SLC25A48: variants seen among roughly 807,000 people sequenced by gnomAD.
SLC25A48 encodes CTC-321K16.1.
SLC25A48 carries 29 observed loss-of-function variants against 32.2 expected under a neutral mutation model. The observed-to-expected ratio is 0.90, with a 90% CI of 0.67 to 1.23. The LOEUF (loss-of-function observed/expected upper bound fraction) is 1.23, where lower values mean the gene tolerates loss of function less well. Ranked by LOEUF, SLC25A48 falls within the 50% of genes most tolerant of loss-of-function variation. SLC25A48 has a pLI of 0.00. For synonymous variants in SLC25A48, 164 were observed against 172.3 expected, an observed-to-expected ratio of 0.95 and a Z score of 0.38; for missense variants, 399 against 422.7, an observed-to-expected ratio of 0.94 and a Z score of 0.49.
chr5:135,832,968 C>T (rs1758264036), upstream of SLC25A48, among the ~76,000 whole-genome samples: 1 of 152,196 alleles, frequency 6.6e-6, no homozygotes, highest in South Asian at 2.1e-4. Flanking sequence ...TGAATGGCAG[C>T]ACACTGCAAA....
At chr5:135,662,704 C>A (rs1336684449) in intron 3 of SLC25A48, among the ~76,000 whole-genome samples, 2 of 151,980 alleles carry the variant, frequency 1.3e-5, no homozygotes, top group Admixed American at 1.3e-4. Flanking sequence ...GCCTCTCCCC[C>A]TCAGGTCCCT....
At chr5:135,754,811 G>A (rs1190617079) in intron 3 of SLC25A48, among the ~76,000 whole-genome samples, 1 of 151,262 alleles carries the variant, frequency 6.6e-6, no homozygotes, top group Non-Finnish European at 1.5e-5. Context: ...GCATTTATAA[G>A]ATCCAGTGTT....
chr5:135,872,174 T>A (rs911347810), intron 5 of SLC25A48: 5 of 358,492 alleles, frequency 1.4e-5, no homozygotes, highest in African/African-American at 4.2e-5. Flanking sequence ...ATAGCAGGAC[T>A]CTGCAGTCAG....
At chr5:135,778,995 C>T (rs1226930202) in intron 3 of SLC25A48, among the ~76,000 whole-genome samples, 3 of 151,602 alleles carry the variant, frequency 2.0e-5, no homozygotes, top group African/African-American at 4.8e-5. Context: ...AATATACATC[C>T]CCCAGTGATA....
At chr5:135,642,026 A>C (rs538942862) in intron 3 of SLC25A48, among the ~76,000 whole-genome samples, 8 of 152,234 alleles carry the variant, frequency 5.3e-5, no homozygotes, top group African/African-American at 9.6e-5. Flanking sequence ...CTAAGATCTT[A>C]TCTCTTTAAT....
chr5:135,832,683 G>A (rs1561515084), upstream of SLC25A48, among the ~76,000 whole-genome samples: 1 of 152,224 alleles, frequency 6.6e-6, no homozygotes, highest in African/African-American at 2.4e-5. Context: ...CACTAGCACA[G>A]ACTGATGCTC....
chr5:135,699,493 G>A (rs1284081823), intron 3 of SLC25A48, among the ~76,000 whole-genome samples: 3 of 152,086 alleles, frequency 2.0e-5, no homozygotes, highest in Admixed American at 2.0e-4. Flanking sequence ...AGCACAACTT[G>A]TCTACGATGA....
chr5:135,829,849 G>T (rs1241145794), upstream of SLC25A48, among the ~76,000 whole-genome samples: 2 of 152,036 alleles, frequency 1.3e-5, no homozygotes, highest in Non-Finnish European at 2.9e-5. Flanking sequence ...TAGAGAAACT[G>T]CTTGACCTCT....
chr5:135,690,284 G>A (rs1242844336), intron 3 of SLC25A48, among the ~76,000 whole-genome samples: 1 of 152,198 alleles, frequency 6.6e-6, no homozygotes, highest in Non-Finnish European at 1.5e-5. Flanking sequence ...GAGCATGGGT[G>A]TAGGAATCCT....
intron 3 of SLC25A48, among the ~76,000 whole-genome samples, chr5:135,749,986 C>G (rs1755731985): frequency 6.6e-6 from 1 of 152,156 alleles, no homozygotes; most frequent in African/African-American, 2.4e-5. Context: ...AGCTGATAGC[C>G]CTGACACCAT....
chr5:135,627,228 G>A (rs926847078), intron 1 of SLC25A48, among the ~76,000 whole-genome samples: 2 of 152,180 alleles, frequency 1.3e-5, no homozygotes, highest in African/African-American at 4.8e-5. Context: ...TTCTGTCTAT[G>A]TTGGGCCAAT....
intron 1 of SLC25A48, among the ~76,000 whole-genome samples, chr5:135,617,341 C>T (rs1299537812): frequency 2.0e-5 from 3 of 151,796 alleles, no homozygotes; most frequent in African/African-American, 7.3e-5. Context: ...TTGGGGTCTT[C>T]TCTTTTCTTC....
chr5:135,807,722 G>A (rs1309682012), intron 3 of SLC25A48, among the ~76,000 whole-genome samples: 3 of 150,130 alleles, frequency 2.0e-5, no homozygotes, highest in African/African-American at 7.3e-5. Flanking sequence ...TGTTAACACT[G>A]TGTGTAAACA....
chr5:135,597,034 G>A (rs1186712057), intron 1 of SLC25A48, among the ~76,000 whole-genome samples: 2 of 152,182 alleles, frequency 1.3e-5, no homozygotes, highest in Non-Finnish European at 2.9e-5. Flanking sequence ...GACAATGCAT[G>A]TAAAAGCCCC....
chr5:135,767,955 C>T (rs545362015), intron 3 of SLC25A48, among the ~76,000 whole-genome samples: 2 of 134,284 alleles, frequency 1.5e-5, no homozygotes, highest in African/African-American at 6.6e-5. Flanking sequence ...TTTGTAATAT[C>T]CGGGGGGGGG....
chr5:135,700,163 G>A (rs2126965442), intron 3 of SLC25A48, among the ~76,000 whole-genome samples: 1 of 152,104 alleles, frequency 6.6e-6, no homozygotes, highest in South Asian at 2.1e-4. Flanking sequence ...CCTGAGGTCA[G>A]GAGTTCGAGA....
chr5:135,814,997 A>C (rs544103006), intron 4 of SLC25A48, among the ~76,000 whole-genome samples: 1 of 151,684 alleles, frequency 6.6e-6, no homozygotes, highest in East Asian at 1.9e-4. Flanking sequence ...GCCTTTTGTT[A>C]CCTCCCAGTT....
At chr5:135,872,439 A>T (rs1761730169) in intron 5 of SLC25A48, 1 of 152,308 alleles carries the variant, frequency 6.6e-6, no homozygotes, top group African/African-American at 2.4e-5. Flanking sequence ...CCCTTCCCTG[A>T]CCACAGGGCC....
At chr5:135,630,290 A>C (rs1210826992) in intron 2 of SLC25A48, among the ~76,000 whole-genome samples, 6 of 152,086 alleles carry the variant, frequency 3.9e-5, no homozygotes, top group African/African-American at 1.4e-4. Flanking sequence ...GGCCTCCTTG[A>C]AAGGTTTCTT....
Sources: allele counts gnomAD v4.1 joint callset (sites outside exome capture counted in the v4.1 genomes callset), GRCh38; gene constraint gnomAD v4.1.1; transcripts MANE v1.5; gene names NCBI Gene and HGNC (gene_info 2026-07-23, HGNC 2026-07-21).